Variants in ITGB3 observed in about 807,000 individuals in gnomAD.
ITGB3 encodes integrin beta-3.
ITGB3 carries 48 observed loss-of-function variants against 85.8 expected under a neutral mutation model. That is an observed-to-expected ratio of 0.56 (90% CI 0.44 to 0.71). The LOEUF (loss-of-function observed/expected upper bound fraction) is 0.71, where lower values mean the gene tolerates loss of function less well. Among genes scored for constraint, ITGB3 ranks in the 30% least tolerant of loss-of-function variants. The probability of loss-of-function intolerance (pLI) is 0.00; values close to 1 mark genes in which losing one functional copy is unlikely to be tolerated. For missense variants in ITGB3, 861 were observed against 1,019.1 expected (o/e 0.84, Z 2.11); for synonymous variants, 363 against 395.6 (o/e 0.92, Z 0.98).
rs2292699 is a variant in ITGB3, at chr17:47,284,929, C to T, written c.614+234C>T. On this transcript the variant is annotated intron_variant, in intron 4 of 14. Transcript: ENST00000559488. ...CTAGAAAGAAAATTCATCAGCTTCT[C>T]AGTCTTGGTAACAAATAAATAGAAG... Among the ~76,000 whole-genome samples, 60,141 of 151,886 alleles carry T rather than the reference C, an allele frequency of 0.4. 12,230 individuals are homozygous for T. The highest frequency in any genetic ancestry group is 0.57 in the East Asian group (2,969 of 5,164).
intron 1 of ITGB3, among the ~76,000 whole-genome samples, chr17:47,263,584 T>C (rs1456718849): frequency 6.9e-6 from 1 of 144,586 alleles, no homozygotes; most frequent in South Asian, 2.2e-4. Flanking sequence ...CCGCCTCCCA[T>C]GTTCAAGCAA....
At chr17:47,261,331 A>T (rs2143033592) in intron 1 of ITGB3, among the ~76,000 whole-genome samples, 1 of 152,296 alleles carries the variant, frequency 6.6e-6, no homozygotes, top group Non-Finnish European at 1.5e-5. Flanking sequence ...TAAGCTTATT[A>T]TTTAAAAAAA....
Position 47,274,494 on chromosome 17 carries a change from G to T in ITGB3, c.155G>T (p.Cys52Phe), listed in dbSNP as rs781627407. Residue 52 changes from cysteine to phenylalanine, a missense_variant, in exon 2 of 15, where the codon TGC becomes TTC. By Grantham distance (205) the Cys-to-Phe change is radical. Transcript: ENST00000559488. The stretch of plus-strand genomic sequence containing the variant: ...GCTGTGAGCCCCATGTGTGCCTGGT[G>T]CTCTGATGAGGTAAGGAGCAGATAC... ...CLAVSPMCAW[C>F]SDEALPLGSP... 4.3e-6 allele frequency: 7 copies of T among 1,613,782 alleles called. No individual in the cohort carries two copies. Among genetic ancestry groups the T allele is most frequent in the Middle Eastern group, 3.3e-4 (2 of 6,058 alleles).
At chr17:47,271,957 G>A (rs1053990696) in intron 1 of ITGB3, among the ~76,000 whole-genome samples, 4 of 150,874 alleles carry the variant, frequency 2.7e-5, no homozygotes, top group Non-Finnish European at 4.4e-5. Flanking sequence ...GTTTCACCAT[G>A]TTGGTCAGGC....
intron 1 of ITGB3, among the ~76,000 whole-genome samples, chr17:47,254,260 G>T (rs2064979666): frequency 6.6e-6 from 1 of 152,100 alleles, no homozygotes; most frequent in South Asian, 2.1e-4. Flanking sequence ...ACCCGGGGCT[G>T]CGCGCGTCGC....
intron 1 of ITGB3, among the ~76,000 whole-genome samples, chr17:47,267,022 A>G (rs1384549792): frequency 6.6e-6 from 1 of 152,190 alleles, no homozygotes; most frequent in Non-Finnish European, 1.5e-5. Context: ...CCCTAGAATG[A>G]TGTCATCAAG....
Position 47,310,195 on chromosome 17 carries a change from GGGC to G in ITGB3, c.2359_2361del (p.Gly787del). 6.2e-7 allele frequency: 1 copy of G among 1,613,834 alleles called. No individual in the cohort carries two copies. The highest frequency in any genetic ancestry group is 8.5e-7 in the Non-Finnish European group (1 of 1,179,858). ...CTACCTTCACCAATATCACGTACCG[GGGC>G]ACTTAATGATAAGCAGTCATCCTCA... On this transcript the variant is annotated inframe_deletion, in exon 15 of 15. Coordinates refer to ENST00000559488, the MANE Select transcript of ITGB3 (RefSeq NM_000212.3).
intron 13 of ITGB3, among the ~76,000 whole-genome samples, chr17:47,306,915 G>A (rs1462070867): frequency 7.9e-5 from 12 of 152,106 alleles, no homozygotes; most frequent in African/African-American, 2.9e-4. Context: ...CCTGACCTCA[G>A]GTGCTCTGCC....
At chr17:47,292,030 C>T (rs2065128226) in intron 9 of ITGB3, 109 bp from the exon 10 acceptor site, 2 of 1,119,428 alleles carry the variant, frequency 1.8e-6, no homozygotes, top group Admixed American at 3.8e-5. Context: ...CATAAGACAC[C>T]CAATTTGGGT....
In ITGB3 at chr17:47,291,178, C is replaced by T. The variant is rs13306483; in HGVS notation, c.1260+90C>T. The T allele has an allele frequency of 9.4e-5, 140 of 1,489,514 alleles. 1 individual carries two copies. In the East Asian group the frequency reaches 3.1e-3, roughly 33 times the overall value. 92.3% of individuals were successfully genotyped at this position (1,489,514 alleles called of 1,614,324 possible). On this transcript the variant is annotated intron_variant, in intron 9 of 14. Coordinates refer to ENST00000559488, the MANE Select transcript of ITGB3 (RefSeq NM_000212.3). ...TTTTGTAGTGACTAAAAATGGCCCC[C>T]TTCCACCAGAAAAAAAATATGGGCA...
chr17:47,299,475 T>C lies in ITGB3; in HGVS notation c.1858T>C (p.Tyr620His). 1 of 1,614,250 alleles carries C rather than the reference T, an allele frequency of 6.2e-7. No homozygotes were observed. Among genetic ancestry groups the C allele is most frequent in the Non-Finnish European group, 8.5e-7 (1 of 1,180,036 alleles). ...CTGTGTCTGTATCCAGCCGGGCTCC[T>C]ATGGGGACACCTGTGAGAAGTGCCC... Reference protein sequence around the residue: ...GSCVCIQPGSYGDTCEKCPTC... With the variant: ...GSCVCIQPGSHGDTCEKCPTC... The change falls in exon 11 of 15, where the codon TAT (tyrosine) becomes CAT (histidine). Residue 620 changes from tyrosine (Y) to histidine (H), a missense_variant. Transcript: ENST00000559488. The surrounding 1 kb of genome is among the most constrained non-coding windows in gnomAD (Gnocchi z 5.1).
chr17:47,268,407 T>G (rs542359626), intron 1 of ITGB3, among the ~76,000 whole-genome samples: 91 of 152,346 alleles, frequency 6.0e-4, no homozygotes, highest in African/African-American at 2.2e-3. Flanking sequence ...CCTATGAGAC[T>G]GTAAAATTGA....
At chr17:47,289,490 TA>T (rs1249870194) in intron 6 of ITGB3, among the ~76,000 whole-genome samples, 190 bp from the exon 7 acceptor site, 6 of 152,086 alleles carry the variant, frequency 3.9e-5, no homozygotes, top group East Asian at 1.9e-4. Flanking sequence ...ATCTGGCAAA[TA>T]AAAAAAATTT....
At chr17:47,284,219 G>A (rs575629300) in intron 3 of ITGB3, among the ~76,000 whole-genome samples, 16 of 152,196 alleles carry the variant, frequency 1.1e-4, no homozygotes, top group African/African-American at 3.9e-4. Flanking sequence ...GAAATCCCCT[G>A]GGATTTAGAG....
At chr17:47,256,564 C>G (rs2064991002) in intron 1 of ITGB3, among the ~76,000 whole-genome samples, 1 of 151,708 alleles carries the variant, frequency 6.6e-6, no homozygotes. Context: ...CCTGGGGAAG[C>G]AGATGGTGGG....
At chr17:47,256,477 C>A (rs111281236) in intron 1 of ITGB3, among the ~76,000 whole-genome samples, 9 of 151,346 alleles carry the variant, frequency 5.9e-5, no homozygotes, top group South Asian at 2.1e-4. Context: ...AGTAATACCC[C>A]CCCCCCCAAC....
intron 3 of ITGB3, 69 bp from the exon 4 acceptor site, chr17:47,284,374 G>A (rs910254003): frequency 3.2e-5 from 51 of 1,596,708 alleles, no homozygotes; most frequent in Non-Finnish European, 4.0e-5. Flanking sequence ...AGTCCCAACT[G>A]TATCCAAATC....
rs17218711 is a variant in ITGB3, at chr17:47,289,878, G to C, written c.1035+102G>C. On this transcript the variant is annotated intron_variant, in intron 7 of 14. Coordinates refer to ENST00000559488, the MANE Select transcript of ITGB3 (RefSeq NM_000212.3). The stretch of plus-strand genomic sequence containing the variant: ...GGATACAGTCCCCAATCAGGAAAGA[G>C]TCTCCCCTAATCCACTCCCCAGGAG... 115,904 of 867,894 alleles carry C rather than the reference G, an allele frequency of 0.13. 8,660 individuals are homozygous for C. The highest frequency in any genetic ancestry group is 0.16 in the Middle Eastern group (584 of 3,742). The allele number at this position is 867,894 out of a possible 1,614,324, so 53.8% of individuals were successfully genotyped here.
intron 7 of ITGB3, 96 bp downstream of exon 7, chr17:47,289,872 G>C: frequency 1.1e-6 from 1 of 903,040 alleles, no homozygotes; most frequent in Non-Finnish European, 1.9e-6. Flanking sequence ...CCCCAATCAG[G>C]AAAGAGTCTC....
Sources: allele counts gnomAD v4.1 joint callset (sites outside exome capture counted in the v4.1 genomes callset), GRCh38; gene constraint gnomAD v4.1.1; non-coding constraint Gnocchi (gnomAD v3.1); transcripts MANE v1.5; gene names NCBI Gene and HGNC (gene_info 2026-07-23, HGNC 2026-07-21).